The following ZFAND6 variants were observed in gnomAD, a reference collection of about 807,000 sequenced individuals.
The protein encoded by ZFAND6 is AN1-type zinc finger protein 6.
In ZFAND6, 12 loss-of-function variants were observed where a neutral mutation model predicts 24.5. The observed-to-expected ratio is 0.49, with a 90% CI of 0.31 to 0.79. The LOEUF is 0.79. ZFAND6 is among the 30% of genes least tolerant of loss of function. ZFAND6 has a pLI of 0.04. For missense variants in ZFAND6, 207 were observed against 245.9 expected (o/e 0.84, Z 1.06); for synonymous variants, 92 against 81.5 (o/e 1.13, Z -0.69).
intron 5 of ZFAND6, among the ~76,000 whole-genome samples, chr15:80,124,381 C>T (rs1037649050): frequency 4.6e-5 from 7 of 150,992 alleles, no homozygotes; most frequent in Middle Eastern, 3.4e-3. Context: ...TGCGGTGAGC[C>T]GAGATGGCGC....
chr15:80,122,677 A>G, intron 4 of ZFAND6, 23 bp from the exon 5 acceptor site: 1 of 1,507,146 alleles, frequency 6.6e-7, no homozygotes, highest in Non-Finnish European at 9.2e-7. Context: ...CACCTTTTAA[A>G]ATGAAATATT....
chr15:80,123,023 T>C, intron 5 of ZFAND6: 1 of 438,444 alleles, frequency 2.3e-6, no homozygotes, highest in East Asian at 4.0e-5. Flanking sequence ...ATTCAAAATT[T>C]GTTTAGTTTG....
At chr15:80,130,245 A>C (rs1396619709) in intron 5 of ZFAND6, 1 of 152,208 alleles carries the variant, frequency 6.6e-6, no homozygotes, top group African/African-American at 2.4e-5. Context: ...AGGAAAGGGT[A>C]TTTGACCTTG....
intron 1 of ZFAND6, among the ~76,000 whole-genome samples, chr15:80,095,850 CAT>C (rs910248502): frequency 7.9e-5 from 12 of 152,188 alleles, no homozygotes; most frequent in African/African-American, 2.9e-4. Flanking sequence ...GCTTTAATTT[CAT>C]ATAGTCACTT....
chr15:80,117,856 A>G (rs2039953844), intron 2 of ZFAND6, among the ~76,000 whole-genome samples: 3 of 152,056 alleles, frequency 2.0e-5, no homozygotes, highest in Admixed American at 2.0e-4. Context: ...TTCCCCCACA[A>G]TTGCTATAGC....
intron 2 of ZFAND6, among the ~76,000 whole-genome samples, chr15:80,115,861 G>A (rs2039850779): frequency 6.6e-6 from 1 of 152,054 alleles, no homozygotes; most frequent in East Asian, 1.9e-4. Context: ...AAGCTTAGTG[G>A]TCATATTGTA....
intron 2 of ZFAND6, among the ~76,000 whole-genome samples, chr15:80,117,364 A>G (rs960787436): frequency 6.6e-6 from 1 of 152,106 alleles, no homozygotes; most frequent in African/African-American, 2.4e-5. Context: ...CTGGGATTAC[A>G]GGCTCCTGCC....
chr15:80,120,291 G>T, intron 2 of ZFAND6, 37 bp from the exon 3 acceptor site: 1 of 1,426,512 alleles, frequency 7.0e-7, no homozygotes, highest in South Asian at 1.7e-5. Context: ...TGGAAGTTAC[G>T]TGTCTGAGTT....
intron 2 of ZFAND6, among the ~76,000 whole-genome samples, chr15:80,109,130 C>G (rs760429718): frequency 3.3e-5 from 5 of 152,122 alleles, no homozygotes; most frequent in Admixed American, 1.3e-4. Context: ...TTAAAAGGAG[C>G]CTTTCTCGTT....
At position 80,123,256 on chromosome 15, in the gene ZFAND6, G is replaced by A. The variant is rs917074186; in HGVS notation, c.364+456G>A. 5.9e-5 allele frequency among the ~76,000 whole-genome samples: 9 copies of A among 152,124 alleles called. No homozygotes were observed. In the South Asian group the frequency reaches 6.2e-4, roughly 11 times the overall value. On this transcript the variant is annotated intron_variant, in intron 5 of 6. Transcript: ENST00000261749. ...GTGCAATAGTCACATTCAGTTGCTC[G>A]TATTCACAGCATGGTATCTATCGTG... is the stretch of plus-strand genomic sequence containing the variant.
At chr15:80,064,417 TTTAA>T (rs2036499829) in intron 1 of ZFAND6, among the ~76,000 whole-genome samples, 1 of 152,206 alleles carries the variant, frequency 6.6e-6, no homozygotes, top group African/African-American at 2.4e-5. Context: ...CATATATTTC[TTTAA>T]TTAATTATGA....
rs191714511 is a variant in ZFAND6 at position 80,073,363 on chromosome 15, G to A, written c.-181+13554G>A. The stretch of plus-strand genomic sequence containing the variant: ...ACTACAACTTTTTTTTAAAGTATCT[G>A]ATTCTATTTACATTTCTTATTTATG... On this transcript the variant is annotated intron_variant, in intron 1 of 6. Transcript: ENST00000261749. 9.7e-6 allele frequency: 3 copies of A among 310,620 alleles called. No individual in the cohort carries two copies. The East Asian group carries it at 3.0e-4, about 31-fold the overall frequency. 19.2% of individuals were successfully genotyped at this position (310,620 alleles called of 1,614,324 possible). A position where few individuals can be genotyped will look rare whatever the true frequency, so the allele number is the denominator to read the frequency against.
intron 1 of ZFAND6, among the ~76,000 whole-genome samples, chr15:80,063,400 T>C (rs1484411559): frequency 2.6e-5 from 4 of 152,034 alleles, no homozygotes; most frequent in Non-Finnish European, 5.9e-5. Flanking sequence ...TCTTTTTTTG[T>C]ATTTTTTTTG....
intron 1 of ZFAND6, among the ~76,000 whole-genome samples, chr15:80,074,431 T>A (rs2037150508): frequency 6.6e-6 from 1 of 151,838 alleles, no homozygotes; most frequent in African/African-American, 2.4e-5. Context: ...AGAAAATATA[T>A]CAGAAACATT....
chr15:80,111,141 G>T (rs2039588238), intron 2 of ZFAND6, among the ~76,000 whole-genome samples: 1 of 152,206 alleles, frequency 6.6e-6, no homozygotes, highest in African/African-American at 2.4e-5. Flanking sequence ...TCTAAGTGGA[G>T]ATGGGATTGT....
chr15:80,128,148 A>G (rs1229068291), intron 5 of ZFAND6, among the ~76,000 whole-genome samples: 1 of 152,228 alleles, frequency 6.6e-6, no homozygotes, highest in African/African-American at 2.4e-5. Context: ...ATACAGAAAG[A>G]TTAGTGGTTG....
intron 5 of ZFAND6, 21 bp from the exon 6 acceptor site, chr15:80,131,158 GC>G: frequency 6.6e-7 from 1 of 1,516,876 alleles, no homozygotes; most frequent in South Asian, 1.3e-5. Context: ...ATTAAATTTT[GC>G]CACCTTCGTA....
intron 1 of ZFAND6, among the ~76,000 whole-genome samples, chr15:80,065,537 ATTTTTTTTT>A (rs149756891): frequency 9.2e-5 from 7 of 76,502 alleles, no homozygotes; most frequent in South Asian, 1.0e-3. Context: ...TTTGGTTTTG[ATTTTTTTTT>A]TTTTTTTTTT....
intron 1 of ZFAND6, among the ~76,000 whole-genome samples, chr15:80,070,568 G>GC (rs2036919094): frequency 6.6e-6 from 1 of 152,132 alleles, no homozygotes; most frequent in South Asian, 2.1e-4. Context: ...GTTCTTTCAA[G>GC]CAGGTCCCAG....
Sources: allele counts gnomAD v4.1 joint callset (sites outside exome capture counted in the v4.1 genomes callset), GRCh38; gene constraint gnomAD v4.1.1; transcripts MANE v1.5; gene names NCBI Gene and HGNC (gene_info 2026-07-23, HGNC 2026-07-21).